The following GREB1 variants were observed in gnomAD, a reference collection of about 807,000 sequenced individuals.
The protein encoded by GREB1 is protein GREB1.
Under a neutral mutation model 200.7 loss-of-function variants are expected in GREB1, and 106 were observed. The observed-to-expected ratio is 0.53, with a 90% confidence interval of 0.45 to 0.62. The LOEUF is 0.62. Ranked by LOEUF, GREB1 falls within the 20% of genes least tolerant of loss-of-function variation. The probability of loss-of-function intolerance (pLI) is 0.00; values close to 1 mark genes in which losing one functional copy is unlikely to be tolerated. For synonymous variants in GREB1, 1,132 were observed against 1,092.4 expected, an observed-to-expected ratio of 1.04 and a Z score of -0.72; for missense variants, 2,243 against 2,556.8, an observed-to-expected ratio of 0.88 and a Z score of 2.65.
chr2:11,486,987 T>TTAAATTTTATATA (rs1672670714), intron 1 of GREB1, among the ~76,000 whole-genome samples: 1 of 151,518 alleles, frequency 6.6e-6, no homozygotes, highest in African/African-American at 2.4e-5. Context: ...CTTCTAAAAG[T>TTAAATTTTATATA]TAGTTAAAAT....
intron 23 of GREB1, among the ~76,000 whole-genome samples, chr2:11,623,616 C>T (rs1312843277): frequency 6.6e-6 from 1 of 152,144 alleles, no homozygotes; most frequent in Admixed American, 6.5e-5. Context: ...TAGGGCCAGG[C>T]GTGGTGGCTC....
chr2:11,515,851 A>G (rs1285703196), intron 1 of GREB1, among the ~76,000 whole-genome samples: 4 of 152,208 alleles, frequency 2.6e-5, no homozygotes, highest in Non-Finnish European at 1.5e-5. Flanking sequence ...TCCTAGGGGT[A>G]GAGTAAATTC....
intron 1 of GREB1, among the ~76,000 whole-genome samples, chr2:11,555,382 A>G (rs1234790020): frequency 6.6e-6 from 1 of 152,220 alleles, no homozygotes; most frequent in Non-Finnish European, 1.5e-5. Context: ...AAATTGTTCT[A>G]AAAACATTTG....
chr2:11,571,237 T>G (rs1175295340), intron 4 of GREB1, among the ~76,000 whole-genome samples: 1 of 152,192 alleles, frequency 6.6e-6, no homozygotes, highest in Non-Finnish European at 1.5e-5. Flanking sequence ...GGTCATTAGT[T>G]GCTAGGTATA....
chr2:11,497,971 C>CTTTTTTTTTT (rs70955803), intron 1 of GREB1, among the ~76,000 whole-genome samples: 3 of 40,628 alleles, frequency 7.4e-5, no homozygotes, highest in African/African-American at 9.1e-5. Flanking sequence ...CAGAGCAAAA[C>CTTTTTTTTTT]TTTTTTTTTT....
At chr2:11,525,571 A>T (rs1673846472) in intron 1 of GREB1, among the ~76,000 whole-genome samples, 1 of 151,040 alleles carries the variant, frequency 6.6e-6, no homozygotes, top group South Asian at 2.1e-4. Flanking sequence ...GGAATGACCT[A>T]CTCTGTTGAT....
At chr2:11,564,580 A>G (rs189761049) in intron 3 of GREB1, among the ~76,000 whole-genome samples, 1 of 152,336 alleles carries the variant, frequency 6.6e-6, no homozygotes, top group East Asian at 1.9e-4. Flanking sequence ...TTTCCAAATA[A>G]ATACAGTAAA....
intron 1 of GREB1, among the ~76,000 whole-genome samples, chr2:11,505,054 C>T (rs574600860): frequency 0.014 from 2,162 of 152,288 alleles, 55 homozygotes; most frequent in African/African-American, 0.05. Flanking sequence ...GCCTCAGCCT[C>T]CTAAGTAGTT....
rs570071394 is a variant in GREB1 at position 11,618,831 on chromosome 2, G to A, written c.3956G>A (p.Arg1319Gln). Residue 1319 changes from arginine (R) to glutamine (Q), a missense_variant, in exon 22 of 33, where the codon CGG becomes CAG. Transcript: ENST00000381486. ...TACTACCGGCAGTGGACGGTGCCCC[G>A]GCCCAGCCACATGGACTACGGCAAC... ...SLYYRQWTVP[R>Q]PSHMDYGNRA... The A allele has an allele frequency of 2.4e-5, 39 of 1,604,242 alleles. No individual in the cohort carries two copies. The highest frequency in any genetic ancestry group is 7.7e-5 in the South Asian group (7 of 90,876).
intron 29 of GREB1, among the ~76,000 whole-genome samples, chr2:11,634,799 A>G (rs1394290246): frequency 6.6e-6 from 1 of 152,166 alleles, no homozygotes; most frequent in African/African-American, 2.4e-5. Context: ...TTGGAGCCAG[A>G]CTGACTGCGC....
At chr2:11,546,816 C>T (rs757749525) in intron 1 of GREB1, among the ~76,000 whole-genome samples, 3 of 152,108 alleles carry the variant, frequency 2.0e-5, no homozygotes, top group Non-Finnish European at 4.4e-5. Context: ...AGAGGAATGC[C>T]TTAACTTTCT....
chr2:11,495,895 CT>C (rs1188093067), intron 1 of GREB1, among the ~76,000 whole-genome samples: 2 of 150,386 alleles, frequency 1.3e-5, no homozygotes, highest in African/African-American at 2.4e-5. Context: ...CTCTGTGAGT[CT>C]GTGCGTGGCG....
At chr2:11,634,429 G>A in intron 29 of GREB1, 80 bp downstream of exon 29, 1 of 1,100,468 alleles carries the variant, frequency 9.1e-7, no homozygotes, top group South Asian at 1.4e-5. Flanking sequence ...TGGGGCTGCA[G>A]AGGCGTCCTG....
intron 1 of GREB1, among the ~76,000 whole-genome samples, chr2:11,514,173 A>C (rs1673424876): frequency 6.6e-6 from 1 of 152,204 alleles, no homozygotes; most frequent in Admixed American, 6.5e-5. Flanking sequence ...GGAAGCAGGA[A>C]ATAGGCGATT....
At position 11,626,973 on chromosome 2, in the gene GREB1, T is replaced by C. The variant is rs1211016354; in HGVS notation, c.4318T>C (p.Ser1440Pro). 6.2e-7 allele frequency: 1 copy of C among 1,614,134 alleles called. No homozygotes were observed. The highest frequency in any genetic ancestry group is 1.7e-5 in the Admixed American group (1 of 60,010). Residue 1440 changes from serine to proline, a missense_variant, in exon 25 of 33, where the codon TCC becomes CCC. This residue lies in a region of GREB1 where 587 missense variants were observed against 553.1 expected (regional missense o/e 1.06). Transcript: ENST00000381486. ...GGAATTTGGTGCAGACAGAGGGATG[T>C]CCCGGAAGCCGGAGGACCTTTATGT... ...QGIKSEDRGM[S>P]RKPEDLYVRR...
In GREB1 at chr2:11,562,492, G is replaced by T; in HGVS notation, c.187G>T (p.Glu63Ter). Residue 63 changes from glutamate (E) to a stop codon, truncating the protein, a stop_gained, in exon 3 of 33, where the codon GAA becomes TAA. Transcript: ENST00000381486. LOFTEE classifies it high-confidence loss of function. ...GGSRVDNEEE[E>*]EEGEGGLETN... ...TAGCCGAGTGGACAATGAGGAAGAG[G>T]AAGAAGAGGGAGAAGGAGGGCTGGA... The T allele has an allele frequency of 6.2e-7, 1 of 1,610,932 alleles. No homozygotes were observed. The highest frequency in any genetic ancestry group is 8.5e-7 in the Non-Finnish European group (1 of 1,178,628).
chr2:11,518,951 T>C (rs1470253933), intron 1 of GREB1, among the ~76,000 whole-genome samples: 2 of 151,388 alleles, frequency 1.3e-5, no homozygotes, highest in Non-Finnish European at 2.9e-5. Flanking sequence ...ATACAAAAAA[T>C]TAGTTGGGCG....
At chr2:11,483,947 C>A (rs527824992) in intron 1 of GREB1, among the ~76,000 whole-genome samples, 46 of 152,156 alleles carry the variant, frequency 3.0e-4, no homozygotes, top group Middle Eastern at 6.8e-3. Context: ...TTTTATTATC[C>A]CTTTAAAACA....
chr2:11,585,930 G>A (rs763980630), intron 9 of GREB1, 25 bp downstream of exon 9: 15 of 1,604,246 alleles, frequency 9.4e-6, no homozygotes, highest in East Asian at 2.2e-5. Flanking sequence ...GCACCGAGTC[G>A]TGGGGATGGG....
Sources: allele counts gnomAD v4.1 joint callset (sites outside exome capture counted in the v4.1 genomes callset), GRCh38; gene constraint gnomAD v4.1.1; regional missense constraint gnomAD v4.1.1; transcripts MANE v1.5; gene names NCBI Gene and HGNC (gene_info 2026-07-23, HGNC 2026-07-21).